The following MGAT5 variants were observed in gnomAD, a reference collection of about 807,000 sequenced individuals.
MGAT5 encodes alpha-1,6-mannosylglycoprotein 6-beta-N-acetylglucosaminyltransferase A.
Under a neutral mutation model 94.3 loss-of-function variants are expected in MGAT5, and 30 were observed. The observed-to-expected ratio is 0.32, with a 90% CI of 0.24 to 0.43. MGAT5 has a LOEUF of 0.43. Among genes scored for constraint, MGAT5 ranks in the 20% least tolerant of loss-of-function variants. MGAT5 has a pLI of 1.00. For missense variants in MGAT5, 691 were observed against 905.5 expected (o/e 0.76, Z 3.04); for synonymous variants, 310 against 322.9 (o/e 0.96, Z 0.43).
chr2:134,316,011 A>G (rs1686977411), intron 2 of MGAT5, among the ~76,000 whole-genome samples: 1 of 152,180 alleles, frequency 6.6e-6, no homozygotes, highest in Non-Finnish European at 1.5e-5. Flanking sequence ...ACCCCTGTGA[A>G]ATAATACTGC....
chr2:134,205,720 G>A (rs1461500082), intron 1 of MGAT5, among the ~76,000 whole-genome samples: 2 of 152,206 alleles, frequency 1.3e-5, no homozygotes, highest in Non-Finnish European at 2.9e-5. Flanking sequence ...GGCATTTGCA[G>A]TCGTGGGACA....
At chr2:134,385,899 G>A (rs1250323814) in intron 10 of MGAT5, among the ~76,000 whole-genome samples, 1 of 152,028 alleles carries the variant, frequency 6.6e-6, no homozygotes, top group Non-Finnish European at 1.5e-5. Context: ...TTTACTTAGG[G>A]CATATAAAAT....
At chr2:134,392,605 C>T (rs962617167) in intron 10 of MGAT5, among the ~76,000 whole-genome samples, 4 of 152,158 alleles carry the variant, frequency 2.6e-5, no homozygotes, top group South Asian at 2.1e-4. Context: ...TGGTTTGTCA[C>T]GTGTCAAGTC....
chr2:134,241,859 G>A (rs920477437), intron 1 of MGAT5, among the ~76,000 whole-genome samples: 1 of 152,186 alleles, frequency 6.6e-6, no homozygotes, highest in Non-Finnish European at 1.5e-5. Context: ...TGGATGGATT[G>A]TGTATCCCTT....
intron 1 of MGAT5, among the ~76,000 whole-genome samples, chr2:134,239,502 T>C (rs1048727306): frequency 2.0e-5 from 3 of 152,158 alleles, no homozygotes; most frequent in Non-Finnish European, 2.9e-5. Flanking sequence ...AATCACTTAA[T>C]AGTCTGAGCT....
At position 134,201,577 on chromosome 2, in the gene MGAT5, A is replaced by G. The variant is rs149052332; in HGVS notation, c.-142-52685A>G. Among the ~76,000 whole-genome samples, 21 of 152,230 alleles carry G rather than the reference A, an allele frequency of 1.4e-4. 3 individuals are homozygous for G. Among genetic ancestry groups the G allele is most frequent in the African/African-American group, 5.1e-4 (21 of 41,554 alleles). ...CCGGGTCAGCTTGTGATGGTTCCAG[A>G]CAGGGTGAAACAATTTTTATGATTT... is the stretch of plus-strand genomic sequence containing the variant. On this transcript the variant is annotated intron_variant, in intron 1 of 16. Coordinates refer to the MGAT5 transcript ENST00000409645.
At chr2:134,148,868 C>T (rs1687047317) in intron 1 of MGAT5, among the ~76,000 whole-genome samples, 1 of 148,684 alleles carries the variant, frequency 6.7e-6, no homozygotes, top group Admixed American at 6.8e-5. Context: ...AGGTGATTCT[C>T]CTGCCTCAGC....
chr2:134,247,273 T>C (rs906301931), intron 1 of MGAT5, among the ~76,000 whole-genome samples: 1 of 150,760 alleles, frequency 6.6e-6, no homozygotes, highest in Non-Finnish European at 1.5e-5. Flanking sequence ...AACTTCAAGA[T>C]ATGTGACCAA....
At chr2:134,354,513 G>A (rs1679599320) in intron 9 of MGAT5, among the ~76,000 whole-genome samples, 1 of 152,148 alleles carries the variant, frequency 6.6e-6, no homozygotes, top group African/African-American at 2.4e-5. Context: ...AAATATTCAT[G>A]GTACACGTCT....
intron 1 of MGAT5, among the ~76,000 whole-genome samples, chr2:134,260,888 TG>T: frequency 6.6e-6 from 1 of 152,228 alleles, no homozygotes; most frequent in Admixed American, 6.5e-5. Context: ...GTGACGTGGC[TG>T]GTGTGATTAA....
chr2:134,196,053 C>T (rs1172959350), intron 1 of MGAT5, among the ~76,000 whole-genome samples: 1 of 152,172 alleles, frequency 6.6e-6, no homozygotes, highest in Non-Finnish European at 1.5e-5. Context: ...TTTTCCCCAA[C>T]ATATTATTCA....
chr2:134,372,799 T>C (rs1376847413), intron 10 of MGAT5, among the ~76,000 whole-genome samples: 1 of 152,198 alleles, frequency 6.6e-6, no homozygotes, highest in Non-Finnish European at 1.5e-5. Context: ...CCCAGCAGCA[T>C]AAACAGCTAA....
chr2:134,212,558 T>G lies in MGAT5; in HGVS notation c.-142-41704T>G, dbSNP rs1231913154. 2.3e-4 allele frequency among the ~76,000 whole-genome samples: 5 copies of G among 21,296 alleles called. 2 individuals are homozygous for G. In the Admixed American group the frequency reaches 2.4e-3, roughly 10 times the overall value. 14.0% of individuals were successfully genotyped at this position (21,296 alleles called of 152,430 possible). A position where few individuals can be genotyped will look rare whatever the true frequency, so the allele number is the denominator to read the frequency against. ...TTTGATTGCACTGTGGTCTGAGAGA[T>G]AAGAACTGGCTTATTTTTAACATAA... On this transcript the variant is annotated intron_variant, in intron 1 of 16. Coordinates refer to the MGAT5 transcript ENST00000409645.
chr2:134,221,544 C>G (rs925422236), intron 1 of MGAT5, among the ~76,000 whole-genome samples: 1 of 152,130 alleles, frequency 6.6e-6, no homozygotes, highest in African/African-American at 2.4e-5. Context: ...TTGATTATCT[C>G]CTGGGAAAGA....
intron 1 of MGAT5, among the ~76,000 whole-genome samples, chr2:134,202,157 T>C (rs115961878): frequency 0.022 from 3,368 of 152,250 alleles, 136 homozygotes; most frequent in African/African-American, 0.076. Flanking sequence ...AAACTTCATT[T>C]TCTTGTTCAG....
intron 2 of MGAT5, among the ~76,000 whole-genome samples, chr2:134,308,585 T>G (rs1686470999): frequency 6.6e-6 from 1 of 152,220 alleles, no homozygotes; most frequent in Admixed American, 6.5e-5. Context: ...TGTGTTTCTC[T>G]TTGCTTCCCA....
intron 1 of MGAT5, among the ~76,000 whole-genome samples, chr2:134,160,791 A>G (rs1687698426): frequency 6.6e-6 from 1 of 152,230 alleles, no homozygotes; most frequent in Non-Finnish European, 1.5e-5. Context: ...CTTCATCTGC[A>G]AGTGGAGATA....
At chr2:134,121,281 C>A (rs540988497) in intron 1 of MGAT5, among the ~76,000 whole-genome samples, 2 of 152,328 alleles carry the variant, frequency 1.3e-5, no homozygotes, top group East Asian at 3.9e-4. Flanking sequence ...CGGCTCTCAG[C>A]CTGGTGGACC....
chr2:134,390,742 C>T (rs1390958617), intron 10 of MGAT5, among the ~76,000 whole-genome samples: 1 of 151,772 alleles, frequency 6.6e-6, no homozygotes, highest in African/African-American at 2.4e-5. Context: ...CCCTAACCCT[C>T]CCGCCCCCAA....
Sources: gnomAD v4.1 joint callset for allele counts (sites outside exome capture counted in the v4.1 genomes callset) on GRCh38, gnomAD v4.1.1 for gene constraint, MANE v1.5 for transcripts, NCBI Gene and HGNC (gene_info 2026-07-23, HGNC 2026-07-21) for gene names.